PDE11A: variants seen among roughly 807,000 people sequenced by gnomAD.
PDE11A encodes the protein dual 3',5'-cyclic-AMP and -GMP phosphodiesterase 11A.
A neutral mutation model predicts 100.5 loss-of-function variants in PDE11A; 100 were observed. The observed-to-expected ratio is 1.00, with a 90% CI of 0.85 to 1.18. PDE11A has a LOEUF of 1.18. Among genes scored for constraint, PDE11A ranks in the 50% most tolerant of loss-of-function variants. The probability of loss-of-function intolerance (pLI) is 0.00; values close to 1 mark genes in which losing one functional copy is unlikely to be tolerated. For synonymous variants in PDE11A, 381 were observed against 420.8 expected, an observed-to-expected ratio of 0.91 and a Z score of 1.16; for missense variants, 1,141 against 1,152.6, an observed-to-expected ratio of 0.99 and a Z score of 0.15.
chr2:177,631,313 A>AC (rs2079918282), intron 19 of PDE11A, among the ~76,000 whole-genome samples: 1 of 44,230 alleles, frequency 2.3e-5, no homozygotes, highest in African/African-American at 5.3e-5. Context: ...AAAAAAAACA[A>AC]AAAAAAAAAC....
intron 2 of PDE11A, among the ~76,000 whole-genome samples, chr2:177,938,349 G>A (rs571207446): frequency 9.9e-5 from 15 of 152,234 alleles, no homozygotes; most frequent in Middle Eastern, 3.4e-3. Context: ...CTTCAAGGAC[G>A]TCCATCCATC....
At position 178,014,367 on chromosome 2, in the gene PDE11A, T is replaced by C. The variant is rs2086308187; in HGVS notation, c.1006A>G (p.Ile336Val). The change falls in exon 2 of 20, where the codon ATT (isoleucine) becomes GTT (valine). Residue 336 changes from isoleucine to valine, a missense_variant. By Grantham distance (29) the Ile-to-Val change is conservative (BLOSUM62 3). Coordinates refer to ENST00000286063, the MANE Select transcript of PDE11A (RefSeq NM_016953.4). ...MPIRSSDGEI[I>V]GVAQAINKIP... ...TTATTTATCGCTTGGGCCACACCAA[T>C]AATCTCACCATCACTGCTTCGGATA... is the stretch of plus-strand genomic sequence containing the variant. 6.2e-7 allele frequency: 1 copy of C among 1,612,342 alleles called. No homozygotes were observed. Among genetic ancestry groups the C allele is most frequent in the African/African-American group, 1.3e-5 (1 of 75,026 alleles).
In PDE11A at chr2:177,817,665, AT is replaced by A. The variant is rs564988912; in HGVS notation, c.1644+192del. Among the ~76,000 whole-genome samples, 856 of 152,326 alleles carry A rather than the reference AT, an allele frequency of 5.6e-3. 4 individuals are homozygous for A. Among genetic ancestry groups the A allele is most frequent in the Non-Finnish European group, 8.7e-3 (594 of 68,030 alleles). ...GATAAAAATAATGGATGGTTACAAA[AT>A]AATCCAATTCATAAAAAATAGGATC... On this transcript the variant is annotated intron_variant, in intron 8 of 19. Transcript: ENST00000286063.
intron 2 of PDE11A, among the ~76,000 whole-genome samples, chr2:178,000,139 T>C (rs1464717926): frequency 6.6e-6 from 1 of 152,170 alleles, no homozygotes; most frequent in African/African-American, 2.4e-5. Flanking sequence ...CAGGATATTA[T>C]CCACGGCACA....
At chr2:177,752,333 CTT>C (rs935741468) in intron 10 of PDE11A, among the ~76,000 whole-genome samples, 15 of 152,174 alleles carry the variant, frequency 9.9e-5, no homozygotes, top group Non-Finnish European at 1.9e-4. Context: ...AGGGTAGACT[CTT>C]ATAATGGTAA....
chr2:178,056,100 G>A (rs1477640604), intron 1 of PDE11A, among the ~76,000 whole-genome samples: 1 of 152,192 alleles, frequency 6.6e-6, no homozygotes, highest in African/African-American at 2.4e-5. Flanking sequence ...ACTTGTCACA[G>A]AAGGGCACCA....
chr2:178,036,321 G>A (rs537238663), intron 1 of PDE11A, among the ~76,000 whole-genome samples: 10 of 152,198 alleles, frequency 6.6e-5, no homozygotes, highest in East Asian at 1.9e-4. Context: ...TTAAAGGGAC[G>A]TGAAGGACTT....
At chr2:177,702,158 A>G (rs932003622) in intron 13 of PDE11A, among the ~76,000 whole-genome samples, 2 of 152,134 alleles carry the variant, frequency 1.3e-5, no homozygotes, top group Non-Finnish European at 2.9e-5. Context: ...TCATTTATGT[A>G]GAACAACCCA....
At chr2:177,715,469 TTC>T (rs199843099) in intron 12 of PDE11A, among the ~76,000 whole-genome samples, 9 of 147,084 alleles carry the variant, frequency 6.1e-5, no homozygotes, top group African/African-American at 2.5e-4. Context: ...TTTTTTTCTT[TTC>T]TTTTTTTTTT....
chr2:177,738,168 A>G (rs2081821400), intron 10 of PDE11A, among the ~76,000 whole-genome samples: 1 of 152,100 alleles, frequency 6.6e-6, no homozygotes. Flanking sequence ...GGCAGTTTTT[A>G]GTAGAAGACA....
At chr2:177,925,803 G>A (rs1423464050) in intron 2 of PDE11A, among the ~76,000 whole-genome samples, 1 of 152,148 alleles carries the variant, frequency 6.6e-6, no homozygotes, top group Non-Finnish European at 1.5e-5. Flanking sequence ...AGAAAACCTT[G>A]AAAAACTAAA....
chr2:177,638,613 T>C (rs766687535), intron 19 of PDE11A, among the ~76,000 whole-genome samples: 1 of 152,260 alleles, frequency 6.6e-6, no homozygotes, highest in East Asian at 1.9e-4. Flanking sequence ...TTTCCTTTGC[T>C]TTAAGCCTTC....
At position 178,107,783 on chromosome 2, in the gene PDE11A, G is replaced by A. The variant is rs547652772; in HGVS notation, c.-14+471C>T. ...GTCGCCCAGGCCGGAGTGCCGTGGT[G>A]TGATCTCGGCTCACTGCAACCTCCG... On this transcript the variant is annotated intron_variant, in intron 1 of 20. Coordinates refer to the PDE11A transcript ENST00000358450. Among the ~76,000 whole-genome samples, 35 of 146,590 alleles carry A rather than the reference G, an allele frequency of 2.4e-4. No individual in the cohort carries two copies. The South Asian group carries it at 5.8e-3, about 24-fold the overall frequency.
upstream of PDE11A, among the ~76,000 whole-genome samples, chr2:178,075,501 G>C (rs928382263): frequency 1.0e-4 from 14 of 136,334 alleles, no homozygotes; most frequent in Admixed American, 1.1e-3. Context: ...GCAGTGAGCT[G>C]AGATCGCACC....
chr2:177,849,791 A>AG (rs1301407257), intron 5 of PDE11A, among the ~76,000 whole-genome samples: 2 of 150,364 alleles, frequency 1.3e-5, no homozygotes, highest in Non-Finnish European at 3.0e-5. Context: ...CTCCATCTCA[A>AG]AAAAAAAACA....
rs752636519 is a variant in PDE11A, at chr2:177,728,093, A to G, written c.1868T>C (p.Met623Thr). The part of the protein sequence containing the change: ...FDDFSLDVDA[M>T]ITAALRMFME... Reference sequence around the variant, plus strand: ...GAACATCCGGAGAGCAGCTGTGATCATGGCATCAACGTCGAGAGAAAAGTC... The same window carrying G: ...GAACATCCGGAGAGCAGCTGTGATCGTGGCATCAACGTCGAGAGAAAAGTC... Residue 623 changes from methionine (M) to threonine (T), a missense_variant, in exon 11 of 20, where the codon ATG becomes ACG. Met to Thr is a moderately conservative substitution (Grantham distance 81). Transcript: ENST00000286063. The G allele has an allele frequency of 3.1e-6, 5 of 1,612,662 alleles. No homozygotes were observed. The African/African-American group carries it at 4.0e-5, about 13-fold the overall frequency.
At position 178,049,191 on chromosome 2, in the gene PDE11A, G is replaced by A. The variant is rs368727527; in HGVS notation, c.912+22335C>T. ...TGACTTTGAGCCGGGCACTTAAAGT[G>A]CCAGTGGCATATGTTAAGAGTTGTG... On this transcript the variant is annotated intron_variant, in intron 1 of 19. Transcript: ENST00000286063. Among the ~76,000 whole-genome samples the A allele has an allele frequency of 7.2e-5, 11 of 152,188 alleles. No individual in the cohort carries two copies. The East Asian group carries it at 1.9e-3, about 27-fold the overall frequency.
chr2:177,736,009 T>A (rs928850041), intron 10 of PDE11A, among the ~76,000 whole-genome samples: 1 of 152,236 alleles, frequency 6.6e-6, no homozygotes, highest in Non-Finnish European at 1.5e-5. Flanking sequence ...TCCCTTTCTT[T>A]GCTGCACTCA....
At chr2:178,053,329 C>A (rs931969494) in intron 1 of PDE11A, among the ~76,000 whole-genome samples, 2 of 152,154 alleles carry the variant, frequency 1.3e-5, no homozygotes, top group African/African-American at 4.8e-5. Context: ...CGTGCTAAAA[C>A]CTCTCAATAA....
Sources: gnomAD v4.1 joint callset for allele counts (sites outside exome capture counted in the v4.1 genomes callset) on GRCh38, gnomAD v4.1.1 for gene constraint, MANE v1.5 for transcripts, NCBI Gene and HGNC (gene_info 2026-07-23, HGNC 2026-07-21) for gene names.